The following RFC3 variants were observed in gnomAD, a reference collection of about 807,000 sequenced individuals.
RFC3 encodes replication factor C subunit 3.
Under a neutral mutation model 45.1 loss-of-function variants are expected in RFC3, and 41 were observed. The observed-to-expected ratio is 0.91, with a 90% CI of 0.71 to 1.18. The LOEUF (loss-of-function observed/expected upper bound fraction) is 1.18, where lower values mean the gene tolerates loss of function less well. Ranked by LOEUF, RFC3 falls within the 50% of genes most tolerant of loss-of-function variation. RFC3 has a pLI of 0.00. For missense variants in RFC3, 423 were observed against 428.1 expected, an observed-to-expected ratio of 0.99 and a Z score of 0.10; for synonymous variants, 149 against 144.0, an observed-to-expected ratio of 1.03 and a Z score of -0.25.
chr13:33,880,068 C>T (rs1233395543), intron 8 of RFC3, among the ~76,000 whole-genome samples: 2 of 152,228 alleles, frequency 1.3e-5, no homozygotes, highest in African/African-American at 4.8e-5. Context: ...CATTCAAGAT[C>T]AGTTGATTAG....
intron 8 of RFC3, among the ~76,000 whole-genome samples, chr13:33,894,574 TG>T: frequency 6.6e-6 from 1 of 152,242 alleles, no homozygotes; most frequent in East Asian, 1.9e-4. Context: ...CCACCTTTGT[TG>T]GCTGACTGGG....
chr13:33,859,401 C>T (rs1176819569), intron 8 of RFC3, among the ~76,000 whole-genome samples: 1 of 152,038 alleles, frequency 6.6e-6, no homozygotes, highest in Non-Finnish European at 1.5e-5. Context: ...CTAGACATAA[C>T]ATTATGATAA....
the RFC3 span, among the ~76,000 whole-genome samples, chr13:33,973,631 C>T: frequency 6.6e-6 from 1 of 151,486 alleles, no homozygotes; most frequent in African/African-American, 2.4e-5. Flanking sequence ...CCTTCTCCCT[C>T]TCCCTCTCCC....
At chr13:33,840,596 GT>G (rs869272047), downstream of RFC3, among the ~76,000 whole-genome samples, 1 of 34,974 alleles carries the variant, frequency 2.9e-5, no homozygotes, top group African/African-American at 5.7e-5. Context: ...TTTTTTGTGT[GT>G]GTTTTTTTTT....
intron 8 of RFC3, among the ~76,000 whole-genome samples, chr13:33,936,315 C>A (rs9528378): frequency 0.14 from 21,450 of 151,898 alleles, 1,977 homozygotes; most frequent in Middle Eastern, 0.26. Context: ...TAGAGGAGAT[C>A]CTAGGGGTGG....
chr13:33,859,798 C>T (rs1408179786), intron 8 of RFC3, among the ~76,000 whole-genome samples: 1 of 152,040 alleles, frequency 6.6e-6, no homozygotes, highest in East Asian at 1.9e-4. Context: ...ATTTTGTCCT[C>T]AATGGTGGAT....
chr13:33,873,704 C>G (rs115787613), intron 8 of RFC3, among the ~76,000 whole-genome samples: 77 of 152,292 alleles, frequency 5.1e-4, no homozygotes, highest in African/African-American at 1.8e-3. Flanking sequence ...CTCTTTTGCT[C>G]CATCTCCTCA....
chr13:33,829,920 G>A lies in RFC3; in HGVS notation c.476G>A (p.Cys159Tyr), dbSNP rs1004212713. The change falls in exon 5 of 9, where the codon TGC becomes TAC. Residue 159 changes from cysteine (C) to tyrosine (Y), a missense_variant. By Grantham distance (194) the Cys-to-Tyr change is radical. Transcript: ENST00000380071. ...RRTMEKYMST[C>Y]RLILCCNSTS... ...ACCATGGAAAAATATATGTCTACCT[G>A]CAGATTGATCTTGTGCTGCAATTCT... 1.2e-6 allele frequency: 2 copies of A among 1,614,032 alleles called. No individual in the cohort carries two copies. The highest frequency in any genetic ancestry group is 1.7e-6 in the Non-Finnish European group (2 of 1,179,894).
rs533554229 is a variant in RFC3, at chr13:33,935,371, A to G, written c.880-30716A>G. ...AGCTCTCTCATTCCATAATGCAAAA[A>G]AGTTGTACTTGCAAATAATATCCCA... On this transcript the variant is annotated intron_variant, in intron 8 of 8. Coordinates refer to the RFC3 transcript ENST00000434425. 1.2e-3 allele frequency among the ~76,000 whole-genome samples: 190 copies of G among 152,304 alleles called. 2 individuals are homozygous for G. In the Middle Eastern group the frequency reaches 0.014, roughly 11 times the overall value.
chr13:33,864,602 T>C (rs992813735), intron 8 of RFC3, among the ~76,000 whole-genome samples: 1 of 152,004 alleles, frequency 6.6e-6, no homozygotes, highest in African/African-American at 2.4e-5. Flanking sequence ...AGGTCAGGGG[T>C]GACCTGGAGA....
intron 8 of RFC3, among the ~76,000 whole-genome samples, chr13:33,858,935 A>G (rs1053176433): frequency 2.6e-5 from 4 of 152,176 alleles, no homozygotes; most frequent in Non-Finnish European, 4.4e-5. Context: ...TTGAAACTCC[A>G]TTCACAACAT....
downstream of RFC3, among the ~76,000 whole-genome samples, chr13:33,967,486 CTTTTTT>C (rs11393413): frequency 8.4e-6 from 1 of 119,470 alleles, no homozygotes; most frequent in Non-Finnish European, 1.6e-5. Context: ...ACCAGCAATT[CTTTTTT>C]TTTTTTTTTT....
chr13:33,931,851 T>C (rs2082854744), intron 8 of RFC3, among the ~76,000 whole-genome samples: 1 of 152,150 alleles, frequency 6.6e-6, no homozygotes, highest in African/African-American at 2.4e-5. Context: ...CATTATAAAG[T>C]CAAATTCTGT....
intron 8 of RFC3, among the ~76,000 whole-genome samples, chr13:33,924,164 C>A (rs1398764112): frequency 6.6e-6 from 1 of 152,026 alleles, no homozygotes; most frequent in Non-Finnish European, 1.5e-5. Flanking sequence ...CCTCTGAAAA[C>A]CAGATAATTG....
chr13:33,820,380 A>G (rs532602843), intron 1 of RFC3, among the ~76,000 whole-genome samples: 5 of 152,244 alleles, frequency 3.3e-5, no homozygotes, highest in African/African-American at 9.6e-5. Flanking sequence ...CTTTTCCCCC[A>G]TCCACTTTTC....
At chr13:33,862,701 A>G (rs910280672) in intron 8 of RFC3, among the ~76,000 whole-genome samples, 13 of 152,220 alleles carry the variant, frequency 8.5e-5, no homozygotes, top group Non-Finnish European at 1.0e-4. Flanking sequence ...CTTCATATAC[A>G]TATTGAAAAG....
rs145304023 is a variant in RFC3 at position 33,870,979 on chromosome 13, C to T, written c.879+35762C>T. Among the ~76,000 whole-genome samples the T allele has an allele frequency of 2.6e-3, 391 of 152,304 alleles. 2 individuals are homozygous for T. Among genetic ancestry groups the T allele is most frequent in the Non-Finnish European group, 1.6e-3 (106 of 68,028 alleles). On this transcript the variant is annotated intron_variant, in intron 8 of 8. Coordinates refer to the RFC3 transcript ENST00000434425. ...TTTAAGTGTCTCTGTGCTTTTCACA[C>T]TGTGTCCCCTGTAGACCCTCAGAGT...
At chr13:33,840,785 A>T (rs1023864797), downstream of RFC3, among the ~76,000 whole-genome samples, 1 of 152,150 alleles carries the variant, frequency 6.6e-6, no homozygotes, top group African/African-American at 2.4e-5. Context: ...TTAAAATTTT[A>T]AAAAGGTACA....
At chr13:33,819,080 C>T (rs1324219909) in intron 1 of RFC3, among the ~76,000 whole-genome samples, 3 of 151,856 alleles carry the variant, frequency 2.0e-5, no homozygotes, top group East Asian at 1.9e-4. Flanking sequence ...TCAGTAGAGA[C>T]GGGGTTTCAC....
Sources: allele counts gnomAD v4.1 joint callset (sites outside exome capture counted in the v4.1 genomes callset), GRCh38; gene constraint gnomAD v4.1.1; transcripts MANE v1.5; gene names NCBI Gene and HGNC (gene_info 2026-07-23, HGNC 2026-07-21).